UTP20: variants seen among roughly 807,000 people sequenced by gnomAD.
UTP20 encodes the protein small subunit processome component 20 homolog.
A neutral mutation model predicts 329.5 loss-of-function variants in UTP20; 164 were observed. That is an observed-to-expected ratio of 0.50 (90% confidence interval 0.44 to 0.57). UTP20 has a LOEUF of 0.57. Ranked by LOEUF, UTP20 falls within the 20% of genes least tolerant of loss-of-function variation. The pLI, the probability that UTP20 is intolerant of heterozygous loss-of-function variation, is 0.00. For missense variants in UTP20, 3,055 were observed against 3,284.2 expected (o/e 0.93, Z 1.71); for synonymous variants, 1,151 against 1,159.3 (o/e 0.99, Z 0.14).
intron 19 of UTP20, among the ~76,000 whole-genome samples, chr12:101,310,554 A>T (rs1872753413): frequency 7.1e-6 from 1 of 140,090 alleles, no homozygotes; most frequent in Admixed American, 7.4e-5. Context: ...CAGCCTGGGC[A>T]ACAAGAGTGA....
chr12:101,363,734 A>G lies in UTP20; in HGVS notation c.5949A>G (p.Pro1983=), dbSNP rs374764132. The G allele has an allele frequency of 2.6e-5, 41 of 1,599,252 alleles. No individual in the cohort carries two copies. The highest frequency in any genetic ancestry group is 3.3e-5 in the Non-Finnish European group (38 of 1,166,662). Reference sequence around the variant, plus strand: ...ATCAGGTTACAAAACTCATCCTTCCATTAAAAGAGGTAAGGACGTAAATGC... The same window carrying G: ...ATCAGGTTACAAAACTCATCCTTCCGTTAAAAGAGGTAAGGACGTAAATGC... ...GKDQVTKLIL[P]LKEILQNTTS... The change falls in exon 45 of 62, where the codon CCA becomes CCG. Residue 1983 remains proline (P), a synonymous_variant. Coordinates refer to ENST00000261637, the MANE Select transcript of UTP20 (RefSeq NM_014503.3).
chr12:101,371,225 G>T, intron 51 of UTP20, 57 bp downstream of exon 51: 1 of 1,315,442 alleles, frequency 7.6e-7, no homozygotes, highest in Non-Finnish European at 1.1e-6. Context: ...CATCTTTGTG[G>T]CAGAGGTGTC....
chr12:101,373,567 G>C lies in UTP20; in HGVS notation c.6949-18G>C. ...GGAATTCCACTCTGAGTGCTCACACGTGCCTCTTTTCTTTTAGGGGCTGCT... is the reference window on the plus strand; with the variant it reads ...GGAATTCCACTCTGAGTGCTCACACCTGCCTCTTTTCTTTTAGGGGCTGCT... On this transcript the variant is annotated intron_variant, in intron 53 of 61. Transcript: ENST00000261637. The C allele has an allele frequency of 6.2e-7, 1 of 1,610,822 alleles. No homozygotes were observed. Among genetic ancestry groups the C allele is most frequent in the Non-Finnish European group, 8.5e-7 (1 of 1,178,040 alleles).
rs772710430 is a variant in UTP20, at chr12:101,309,791, T to C, written c.2183T>C (p.Leu728Pro). The C allele has an allele frequency of 6.2e-7, 1 of 1,613,808 alleles. No individual in the cohort carries two copies. The highest frequency in any genetic ancestry group is 2.2e-5 in the East Asian group (1 of 44,860). ...CCGCTTCGTTATTTGTTAGGCATGCTATATATTAATTTCAGTGCACTCTGG... is the reference window on the plus strand; with the variant it reads ...CCGCTTCGTTATTTGTTAGGCATGCCATATATTAATTTCAGTGCACTCTGG... ...EVPLRYLLGMLYINFSALWDP... is the reference protein window; with the variant it reads ...EVPLRYLLGMPYINFSALWDP... Residue 728 changes from leucine to proline, a missense_variant, in exon 19 of 62, where the codon CTA (leucine) becomes CCA (proline). Physicochemically the swap from Leu to Pro is moderately conservative, Grantham distance 98 (BLOSUM62 -3). This residue lies in a region of UTP20 where 2,445 missense variants were observed against 2,575.5 expected (regional missense o/e 0.95). Transcript: ENST00000261637.
chr12:101,370,296 G>C, intron 49 of UTP20, 136 bp from the exon 50 acceptor site: 1 of 1,085,338 alleles, frequency 9.2e-7, no homozygotes, highest in Non-Finnish European at 1.3e-6. Context: ...ATTTTTTCCA[G>C]AGTAATTTGC....
In UTP20 at chr12:101,383,322, A is replaced by C; in HGVS notation, c.7929+9A>C. On this transcript the variant is annotated intron_variant, in intron 59 of 61. Transcript: ENST00000261637. The stretch of plus-strand genomic sequence containing the variant: ...CGAGAAACCCCTTAAAGGTGCGATG[A>C]ATGCACAGAATGACTGACAGTAGTC... 1.2e-6 allele frequency: 2 copies of C among 1,609,326 alleles called. No individual in the cohort carries two copies. Among genetic ancestry groups the C allele is most frequent in the East Asian group, 2.2e-5 (1 of 44,836 alleles).
At chr12:101,378,641 C>T (rs1472659037) in intron 56 of UTP20, among the ~76,000 whole-genome samples, 1 of 151,954 alleles carries the variant, frequency 6.6e-6, no homozygotes, top group Admixed American at 6.6e-5. Context: ...ATTGCTTGAA[C>T]CCAGGAGGCA....
At chr12:101,319,524 C>T (rs1447181552) in intron 22 of UTP20, 21 bp from the exon 23 acceptor site, 7 of 1,560,326 alleles carry the variant, frequency 4.5e-6, no homozygotes, top group Non-Finnish European at 6.1e-6. Context: ...CTGTAACACT[C>T]TCTGTTTTGT....
intron 60 of UTP20, among the ~76,000 whole-genome samples, chr12:101,384,806 C>T (rs1346424035): frequency 2.0e-5 from 3 of 152,118 alleles, no homozygotes; most frequent in Non-Finnish European, 2.9e-5. Context: ...AAAGTTTCCT[C>T]ACTCTTACAA....
chr12:101,350,570 A>G (rs10860713), intron 38 of UTP20, among the ~76,000 whole-genome samples: 31,257 of 151,954 alleles, frequency 0.21, 7,069 homozygotes, highest in East Asian at 0.55. Flanking sequence ...TAGGTTACTT[A>G]TGAATAGTCT....
intron 5 of UTP20, among the ~76,000 whole-genome samples, chr12:101,288,266 T>C (rs1424861685): frequency 1.3e-5 from 2 of 152,220 alleles, no homozygotes; most frequent in Non-Finnish European, 2.9e-5. Flanking sequence ...GGTACTGGGG[T>C]TATGAGAAAA....
rs190572339 is a variant in UTP20 at position 101,374,665 on chromosome 12, A to G, written c.7132-143A>G. On this transcript the variant is annotated intron_variant, in intron 54 of 61. Transcript: ENST00000261637. ...TTTGTATATTGGCCATCAAAGCTCC[A>G]TAATTTACTGATTTCTGGCATCAGA... The G allele has an allele frequency of 1.9e-3, 1,103 of 583,456 alleles. 2 individuals carry two copies. The highest frequency in any genetic ancestry group is 2.9e-3 in the Non-Finnish European group (959 of 332,350). The allele number at this position is 583,456 out of a possible 1,614,324, so 36.1% of individuals were successfully genotyped here. A position where few individuals can be genotyped will look rare whatever the true frequency, so the allele number is the denominator to read the frequency against.
intron 5 of UTP20, 37 bp downstream of exon 5, chr12:101,286,546 C>T (rs756396197): frequency 1.7e-5 from 25 of 1,457,332 alleles, no homozygotes; most frequent in Non-Finnish European, 2.3e-5. Context: ...TTTTTAATTG[C>T]CTGCTTCTTT....
At chr12:101,321,094 T>A (rs1306548559) in intron 24 of UTP20, among the ~76,000 whole-genome samples, 157 bp downstream of exon 24, 4 of 152,180 alleles carry the variant, frequency 2.6e-5, no homozygotes, top group Admixed American at 2.6e-4. Flanking sequence ...ACGAGTAGTA[T>A]ATTTGTTGGG....
At chr12:101,379,287 A>G in intron 56 of UTP20, 84 bp from the exon 57 acceptor site, 1 of 1,288,454 alleles carries the variant, frequency 7.8e-7, no homozygotes, top group Non-Finnish European at 1.1e-6. Flanking sequence ...AACACATAAT[A>G]CTCTGTAAAT....
At chr12:101,293,269 G>A in intron 11 of UTP20, 24 bp downstream of exon 11, 1 of 1,602,370 alleles carries the variant, frequency 6.2e-7, no homozygotes, top group Non-Finnish European at 8.5e-7. Flanking sequence ...TAAGTTCGGA[G>A]TATTTTTAAA....
chr12:101,299,712 C>G lies in UTP20; in HGVS notation c.1461C>G (p.Ser487=). The G allele has an allele frequency of 6.3e-7, 1 of 1,599,502 alleles. No homozygotes were observed. The highest frequency in any genetic ancestry group is 8.5e-7 in the Non-Finnish European group (1 of 1,175,960). The change falls in exon 13 of 62, where the codon TCC becomes TCG. Residue 487 remains serine, a synonymous_variant. Transcript: ENST00000261637. ...GFYIKQKKTR[S]KGRNEQFPVL... ...ATATAAAGCAGAAGAAGACTAGATC[C>G]AAGGGAAGAAACGAACAGTTTCCAG...
chr12:101,345,433 CT>C (rs1012229188), intron 36 of UTP20, 120 bp from the exon 37 acceptor site: 6,015 of 632,786 alleles, frequency 9.5e-3, no homozygotes, highest in South Asian at 0.014. Flanking sequence ...GCAATCCTGA[CT>C]TTTTTTTTTA....
chr12:101,325,593 T>C (rs1383562822), intron 25 of UTP20, among the ~76,000 whole-genome samples: 1 of 152,236 alleles, frequency 6.6e-6, no homozygotes, highest in African/African-American at 2.4e-5. Context: ...AGTACATGTA[T>C]GATAAAGTGG....
Sources: gnomAD v4.1 joint callset for allele counts (sites outside exome capture counted in the v4.1 genomes callset) on GRCh38, gnomAD v4.1.1 for gene constraint, gnomAD v4.1.1 regional missense constraint, MANE v1.5 for transcripts, NCBI Gene and HGNC (gene_info 2026-07-23, HGNC 2026-07-21) for gene names.